Variants in KIFC2 observed in about 807,000 individuals in gnomAD.
KIFC2 encodes the protein kinesin family member C2.
A neutral mutation model predicts 91.5 loss-of-function variants in KIFC2; 94 were observed. The ratio of observed to expected loss-of-function variants is 1.03; its 90% CI spans 0.87 to 1.22. The LOEUF (loss-of-function observed/expected upper bound fraction) is 1.22, where lower values mean the gene tolerates loss of function less well. Ranked by LOEUF, KIFC2 falls within the 50% of genes most tolerant of loss-of-function variation. The pLI is 0.00. For synonymous variants in KIFC2, 729 were observed against 503.9 expected, an observed-to-expected ratio of 1.45 and a Z score of -5.98; for missense variants, 1,357 against 1,103.3, an observed-to-expected ratio of 1.23 and a Z score of -3.26.
chr8:144,472,115 T>C, intron 13 of KIFC2, 23 bp from the exon 14 acceptor site: 1 of 1,612,934 alleles, frequency 6.2e-7, no homozygotes, highest in Admixed American at 1.7e-5. Context: ...GTGAGCCCGG[T>C]GTGCACCCCA....
At chr8:144,468,165 GA>G (rs1824764012) in intron 7 of KIFC2, 163 bp from the exon 8 acceptor site, 1 of 1,036,058 alleles carries the variant, frequency 9.7e-7, no homozygotes, top group Non-Finnish European at 1.4e-6. Flanking sequence ...CTGAGTGGCT[GA>G]CCCCAGGAGA....
In KIFC2 at chr8:144,473,311, C is replaced by T. The variant is rs944451133; in HGVS notation, c.2298C>T (p.Ser766=). The change falls in exon 18 of 18, where the codon TCC becomes TCT. Residue 766 remains serine (S), a synonymous_variant. Transcript: ENST00000645548. ...LTGTPCTPTP[S]PGSPPCPSPD... is the part of the protein sequence containing the mutation. Reference sequence around the variant, plus strand: ...GGACCCCCTGCACCCCTACGCCGTCCCCTGGCAGTCCTCCATGCCCCAGTC... The same window carrying T: ...GGACCCCCTGCACCCCTACGCCGTCTCCTGGCAGTCCTCCATGCCCCAGTC... 15 of 1,603,146 alleles carry T rather than the reference C, an allele frequency of 9.4e-6. No homozygotes were observed. The highest frequency in any genetic ancestry group is 1.3e-5 in the Non-Finnish European group (15 of 1,176,260).
Position 144,466,413 on chromosome 8 carries a change from C to A in KIFC2, c.-7C>A. ...CGAAGCGGGGCCCTCTGCCGCCCCG[C>A]GCTCCCATGTACGCCTTTTACTCGT... On this transcript the variant is annotated 5_prime_UTR_variant, in exon 1 of 18. Coordinates refer to ENST00000645548, the MANE Select transcript of KIFC2 (RefSeq NM_001369769.2). 1 of 1,279,346 alleles carries A rather than the reference C, an allele frequency of 7.8e-7. No individual in the cohort carries two copies. Among genetic ancestry groups the A allele is most frequent in the Non-Finnish European group, 1.0e-6 (1 of 989,926 alleles). 79.2% of individuals were successfully genotyped at this position (1,279,346 alleles called of 1,614,324 possible).
intron 8 of KIFC2, 63 bp downstream of exon 8, chr8:144,468,469 C>G: frequency 1.6e-6 from 2 of 1,289,308 alleles, no homozygotes. Flanking sequence ...TTGGGAGGGG[C>G]TTATCTGAGG....
At position 144,467,512 on chromosome 8, in the gene KIFC2, C is replaced by G; in HGVS notation, c.497C>G (p.Ser166Cys). 1.3e-6 allele frequency: 2 copies of G among 1,588,434 alleles called. No homozygotes were observed. The highest frequency in any genetic ancestry group is 1.7e-6 in the Non-Finnish European group (2 of 1,169,014). Residue 166 changes from serine to cysteine, a missense_variant, in exon 5 of 18, where the codon TCC (serine) becomes TGC (cysteine). By Grantham distance (112) the Ser-to-Cys change is moderately radical. Transcript: ENST00000645548. ...TCCACATCCCAAGAAGAAAGCCCTTCCCACTTCACCGCAGTCCCAGGCGAG... is the reference window on the plus strand; with the variant it reads ...TCCACATCCCAAGAAGAAAGCCCTTGCCACTTCACCGCAGTCCCAGGCGAG... ...DGSTSQEESPSHFTAVPGEPL... is the reference protein window; with the variant it reads ...DGSTSQEESPCHFTAVPGEPL...
At position 144,474,197 on chromosome 8, in the gene KIFC2, G is replaced by A; in HGVS notation, c.*808G>A. The A allele has an allele frequency of 1.4e-6, 2 of 1,445,516 alleles. No homozygotes were observed. The highest frequency in any genetic ancestry group is 1.9e-6 in the Non-Finnish European group (2 of 1,072,918). 89.5% of individuals were successfully genotyped at this position (1,445,516 alleles called of 1,614,324 possible). Reference sequence around the variant, plus strand: ...CTTGGCTCCCTGTCAACAAGGTGGGGGTGGGAGCGGGAGGGAGGAGTGGCC... The same window carrying A: ...CTTGGCTCCCTGTCAACAAGGTGGGAGTGGGAGCGGGAGGGAGGAGTGGCC... On this transcript the variant is annotated 3_prime_UTR_variant, in exon 18 of 18. Transcript: ENST00000645548.
At position 144,472,520 on chromosome 8, in the gene KIFC2, G is replaced by C. The variant is rs746331746; in HGVS notation, c.1731+36G>C. The C allele has an allele frequency of 5.0e-6, 8 of 1,611,472 alleles. No individual in the cohort carries two copies. In the African/African-American group the frequency reaches 9.3e-5, roughly 19 times the overall value. On this transcript the variant is annotated intron_variant, in intron 15 of 17. Coordinates refer to ENST00000645548, the MANE Select transcript of KIFC2 (RefSeq NM_001369769.2). Reference sequence around the variant, plus strand: ...ACCGCTCTCCGAGACCCCGCCCCGTGCTTCCACTTGGGGGCGGGGACCCTG... The same window carrying C: ...ACCGCTCTCCGAGACCCCGCCCCGTCCTTCCACTTGGGGGCGGGGACCCTG...
In KIFC2 at chr8:144,472,025, C is replaced by T. The variant is rs370268148; in HGVS notation, c.1464C>T (p.Thr488=). The change falls in exon 13 of 18, where the codon ACC becomes ACT. Residue 488 remains threonine (T), a synonymous_variant. Transcript: ENST00000645548. ...VCIFTYGQTG[T]GKTYSMEGPP... ...TCTTCACCTATGGCCAGACAGGCAC[C>T]GGGAAGACCTACAGCATGGAGGTGG... 3.2e-5 allele frequency: 51 copies of T among 1,613,468 alleles called. No homozygotes were observed. The highest frequency in any genetic ancestry group is 3.3e-4 in the Middle Eastern group (2 of 6,062).
rs1382975404 is a variant in KIFC2, at chr8:144,467,025, A to C, written c.245A>C (p.Glu82Ala). 1.3e-6 allele frequency: 2 copies of C among 1,596,998 alleles called. No individual in the cohort carries two copies. The highest frequency in any genetic ancestry group is 1.7e-5 in the Admixed American group (1 of 58,432). Residue 82 changes from glutamate (E) to alanine (A), a missense_variant, in exon 3 of 18, where the codon GAA becomes GCA. Transcript: ENST00000645548. ...GGCCGCGCGGCCGCGGTGTCCCTGG[A>C]AGAGGCCCTACTGCGCCTCGCCGAG... ...AEGRAAAVSL[E>A]EALLRLAEFL...
rs370268148 is a variant in KIFC2 at position 144,472,025 on chromosome 8, C to G, written c.1464C>G (p.Thr488=). The change falls in exon 13 of 18, where the codon ACC becomes ACG. Residue 488 remains threonine (T), a synonymous_variant. Transcript: ENST00000645548. ...VCIFTYGQTG[T]GKTYSMEGPP... ...TCTTCACCTATGGCCAGACAGGCAC[C>G]GGGAAGACCTACAGCATGGAGGTGG... 6.2e-7 allele frequency: 1 copy of G among 1,613,350 alleles called. No homozygotes were observed. Among genetic ancestry groups the G allele is most frequent in the African/African-American group, 1.3e-5 (1 of 74,928 alleles).
Position 144,468,528 on chromosome 8 carries a change from C to A in KIFC2, c.889-8C>A. On this transcript the variant is annotated splice_region_variant and splice_polypyrimidine_tract_variant and intron_variant, in intron 8 of 17. Coordinates refer to ENST00000645548, the MANE Select transcript of KIFC2 (RefSeq NM_001369769.2). The stretch of plus-strand genomic sequence containing the variant: ...CCTCAGTGACAGGGGTGGGGTTGGG[C>A]GGGGCAGCTGGGGGTGCAGGAGGTG... The A allele has an allele frequency of 1.1e-6, 1 of 905,764 alleles. No individual in the cohort carries two copies. The highest frequency in any genetic ancestry group is 1.3e-6 in the Non-Finnish European group (1 of 748,864). The allele number at this position is 905,764 out of a possible 1,614,324, so 56.1% of individuals were successfully genotyped here.
At position 144,466,614 on chromosome 8, in the gene KIFC2, C is replaced by T. The variant is rs1313549516; in HGVS notation, c.99+96C>T. On this transcript the variant is annotated intron_variant, in intron 1 of 17. Coordinates refer to ENST00000645548, the MANE Select transcript of KIFC2 (RefSeq NM_001369769.2). ...GCGGGGGCGGGCACGGGGCGCGGGG[C>T]GACGGGGCCGTGCCGAGGACCCTCG... 21 of 851,720 alleles carry T rather than the reference C, an allele frequency of 2.5e-5. No homozygotes were observed. The Admixed American group carries it at 7.0e-4, about 28-fold the overall frequency. The allele number at this position is 851,720 out of a possible 1,614,324, so 52.8% of individuals were successfully genotyped here.
Position 144,473,804 on chromosome 8 carries a change from C to CTA in KIFC2, c.*416_*417dup. 1 of 369,592 alleles carries CTA rather than the reference C, an allele frequency of 2.7e-6. No homozygotes were observed. The highest frequency in any genetic ancestry group is 4.7e-5 in the East Asian group (1 of 21,164). The allele number at this position is 369,592 out of a possible 1,614,324, so 22.9% of individuals were successfully genotyped here. ...CCATGTAGGGTGCAGTCTTTACTCC[C>CTA]TAACCCGTTTCCCGAAAAAGGTGCT... On this transcript the variant is annotated 3_prime_UTR_variant, in exon 18 of 18. Coordinates refer to ENST00000645548, the MANE Select transcript of KIFC2 (RefSeq NM_001369769.2).
intron 12 of KIFC2, among the ~76,000 whole-genome samples, chr8:144,470,335 C>T (rs574431005): frequency 5.3e-5 from 8 of 152,260 alleles, no homozygotes; most frequent in Non-Finnish European, 1.2e-4. Flanking sequence ...CCCCACACTG[C>T]AGCACTGCGC....
At chr8:144,467,148 TG>T (rs1330240859) in intron 3 of KIFC2, 38 bp downstream of exon 3, 1 of 1,612,090 alleles carries the variant, frequency 6.2e-7, no homozygotes, top group Non-Finnish European at 8.5e-7. Context: ...AGGTACCACC[TG>T]CCCCGGCCTT....
In KIFC2 at chr8:144,467,513, C is replaced by T. The variant is rs1181907175; in HGVS notation, c.498C>T (p.Ser166=). The change falls in exon 5 of 18, where the codon TCC becomes TCT. Residue 166 remains serine (S), a synonymous_variant. Coordinates refer to ENST00000645548, the MANE Select transcript of KIFC2 (RefSeq NM_001369769.2). ...DGSTSQEESP[S]HFTAVPGEPL... is the part of the protein sequence containing the mutation. Reference sequence around the variant, plus strand: ...CCACATCCCAAGAAGAAAGCCCTTCCCACTTCACCGCAGTCCCAGGCGAGC... The same window carrying T: ...CCACATCCCAAGAAGAAAGCCCTTCTCACTTCACCGCAGTCCCAGGCGAGC... 1.3e-6 allele frequency: 2 copies of T among 1,589,124 alleles called. No individual in the cohort carries two copies. Among genetic ancestry groups the T allele is most frequent in the South Asian group, 1.1e-5 (1 of 86,960 alleles).
In KIFC2 at chr8:144,472,385, C is replaced by G. The variant is rs61739558; in HGVS notation, c.1632C>G (p.Pro544=). 1.2e-6 allele frequency: 2 copies of G among 1,613,278 alleles called. No individual in the cohort carries two copies. Among genetic ancestry groups the G allele is most frequent in the Non-Finnish European group, 1.7e-6 (2 of 1,179,944 alleles). ...AVRDLLAPGP[P]ERLAVRQGPE... ...GGGACCTCCTTGCTCCAGGGCCTCCCGAGCGCCTGGCCGTGAGGCAGGGCC... is the reference window on the plus strand; with the variant it reads ...GGGACCTCCTTGCTCCAGGGCCTCCGGAGCGCCTGGCCGTGAGGCAGGGCC... Residue 544 remains proline, a synonymous_variant, in exon 15 of 18, where the codon CCC becomes CCG. Transcript: ENST00000645548.
rs377299795 is a variant in KIFC2 at position 144,467,710 on chromosome 8, C to A, written c.616-4C>A. Reference sequence around the variant, plus strand: ...TCCACCCTGTCTCTCTTACTTCTCCCCAGCTGGAGGAGCTGAAGCAGCAGC... The same window carrying A: ...TCCACCCTGTCTCTCTTACTTCTCCACAGCTGGAGGAGCTGAAGCAGCAGC... On this transcript the variant is annotated splice_region_variant and splice_polypyrimidine_tract_variant and intron_variant, in intron 5 of 17. Transcript: ENST00000645548. The A allele has an allele frequency of 4.3e-5, 70 of 1,613,574 alleles. No individual in the cohort carries two copies. Among genetic ancestry groups the A allele is most frequent in the Non-Finnish European group, 5.7e-5 (67 of 1,179,892 alleles).
At chr8:144,470,110 C>T (rs534992074) in intron 12 of KIFC2, among the ~76,000 whole-genome samples, 2 of 152,350 alleles carry the variant, frequency 1.3e-5, no homozygotes, top group African/African-American at 2.4e-5. Flanking sequence ...TGCACATGCC[C>T]TTTGCTGCTA....
Sources: allele counts gnomAD v4.1 joint callset (sites outside exome capture counted in the v4.1 genomes callset), GRCh38; gene constraint gnomAD v4.1.1; transcripts MANE v1.5; gene names NCBI Gene and HGNC (gene_info 2026-07-23, HGNC 2026-07-21).